The following ARFIP1 variants were observed in gnomAD, a reference collection of about 807,000 sequenced individuals.
ARFIP1 encodes the protein arfaptin-1.
A neutral mutation model predicts 42.5 loss-of-function variants in ARFIP1; 24 were observed. The ratio of observed to expected loss-of-function variants is 0.57; its 90% confidence interval spans 0.41 to 0.80. ARFIP1 has a LOEUF of 0.80. ARFIP1 is among the 30% of genes least tolerant of loss of function. The pLI is 0.00. For missense variants in ARFIP1, 354 were observed against 434.0 expected (o/e 0.82, Z 1.64); for synonymous variants, 141 against 153.7 (o/e 0.92, Z 0.61).
intron 6 of ARFIP1, among the ~76,000 whole-genome samples, chr4:152,882,485 A>C (rs943087275): frequency 6.6e-6 from 1 of 152,334 alleles, no homozygotes. Flanking sequence ...AACTTAAAAA[A>C]ATTATTTAGC....
At chr4:152,908,913 TG>T (rs1738609161) in intron 8 of ARFIP1, among the ~76,000 whole-genome samples, 2 of 151,390 alleles carry the variant, frequency 1.3e-5, no homozygotes, top group African/African-American at 4.9e-5. Context: ...TGTGTGTGTG[TG>T]TGTGTGTGTG....
At chr4:152,903,695 A>G (rs1488116225) in intron 8 of ARFIP1, among the ~76,000 whole-genome samples, 2 of 152,066 alleles carry the variant, frequency 1.3e-5, no homozygotes, top group African/African-American at 4.8e-5. Context: ...AAAAAGAACC[A>G]TCTTTGATTT....
chr4:152,866,718 G>A (rs1734405579), intron 3 of ARFIP1, among the ~76,000 whole-genome samples: 1 of 151,970 alleles, frequency 6.6e-6, no homozygotes, highest in East Asian at 1.9e-4. Flanking sequence ...CTGCCAGGCG[G>A]AGGGGCTCCT....
chr4:152,787,465 C>T (rs574661895), intron 1 of ARFIP1, among the ~76,000 whole-genome samples: 23 of 152,370 alleles, frequency 1.5e-4, no homozygotes, highest in Non-Finnish European at 2.8e-4. Context: ...TGCCATATAT[C>T]TTTTCCTCAC....
chr4:152,898,051 T>G (rs1288124977), intron 8 of ARFIP1, among the ~76,000 whole-genome samples: 1 of 147,020 alleles, frequency 6.8e-6, no homozygotes, highest in Admixed American at 7.0e-5. Context: ...TGGCGCAATC[T>G]CGGCTCACTG....
intron 2 of ARFIP1, among the ~76,000 whole-genome samples, chr4:152,846,027 A>G (rs1406339885): frequency 1.3e-5 from 2 of 152,174 alleles, no homozygotes; most frequent in African/African-American, 2.4e-5. Context: ...AAAGAACAAC[A>G]TTATGTCTTT....
chr4:152,895,439 T>G (rs965731524), intron 8 of ARFIP1, among the ~76,000 whole-genome samples: 1 of 151,776 alleles, frequency 6.6e-6, no homozygotes, highest in Non-Finnish European at 1.5e-5. Context: ...CAGGCTGGAG[T>G]GCAGTGGTGC....
intron 1 of ARFIP1, among the ~76,000 whole-genome samples, chr4:152,789,925 C>T (rs1731051929): frequency 6.6e-6 from 1 of 152,200 alleles, no homozygotes; most frequent in Admixed American, 6.5e-5. Context: ...GGCCTAGAAT[C>T]AGCCTTTTCT....
rs577908148 is a variant in ARFIP1 at position 152,788,668 on chromosome 4, G to A, written c.-10+8442G>A. 5.3e-5 allele frequency among the ~76,000 whole-genome samples: 8 copies of A among 152,192 alleles called. No individual in the cohort carries two copies. The South Asian group carries it at 6.2e-4, about 12-fold the overall frequency. ...GGTACTCCATCCTGGATGACAGAGC[G>A]AGACTCCATCTCAAAAAAACAAAAA... On this transcript the variant is annotated intron_variant, in intron 1 of 8. Transcript: ENST00000353617.
At chr4:152,791,833 T>C (rs1731160081) in intron 1 of ARFIP1, among the ~76,000 whole-genome samples, 1 of 152,292 alleles carries the variant, frequency 6.6e-6, no homozygotes, top group South Asian at 2.1e-4. Context: ...CTTTTTAACC[T>C]CGAACAAATT....
At chr4:152,880,350 CA>C (rs200632915) in intron 5 of ARFIP1, among the ~76,000 whole-genome samples, 54,645 of 125,382 alleles carry the variant, frequency 0.44, 10,778 homozygotes, top group Admixed American at 0.55. Context: ...CCATCTCAGA[CA>C]AAAAAAAAAA....
chr4:152,877,739 G>A (rs1478278027), intron 5 of ARFIP1, among the ~76,000 whole-genome samples: 2 of 152,154 alleles, frequency 1.3e-5, no homozygotes, highest in Non-Finnish European at 2.9e-5. Context: ...CCAGGGAGAG[G>A]TAATTGAATC....
At chr4:152,895,884 C>T (rs1737281489) in intron 8 of ARFIP1, among the ~76,000 whole-genome samples, 1 of 152,038 alleles carries the variant, frequency 6.6e-6, no homozygotes, top group Non-Finnish European at 1.5e-5. Context: ...TTTTATATGC[C>T]AGTCACTGAG....
chr4:152,898,854 C>G (rs973676118), intron 8 of ARFIP1, among the ~76,000 whole-genome samples: 2 of 152,158 alleles, frequency 1.3e-5, no homozygotes, highest in Non-Finnish European at 2.9e-5. Flanking sequence ...ATCATCTGTT[C>G]CCTTCTTGAA....
At chr4:152,804,860 T>C (rs1728880211) in intron 1 of ARFIP1, among the ~76,000 whole-genome samples, 1 of 152,150 alleles carries the variant, frequency 6.6e-6, no homozygotes, top group African/African-American at 2.4e-5. Context: ...TAGCTCTTAT[T>C]GTTGTAGAGC....
At chr4:152,791,739 G>A (rs763231666) in intron 1 of ARFIP1, among the ~76,000 whole-genome samples, 1 of 152,024 alleles carries the variant, frequency 6.6e-6, no homozygotes, top group Non-Finnish European at 1.5e-5. Flanking sequence ...ACCACCAGCT[G>A]CTTCAATTCT....
intron 8 of ARFIP1, among the ~76,000 whole-genome samples, chr4:152,909,282 G>T (rs1310840644): frequency 6.6e-6 from 1 of 152,162 alleles, no homozygotes; most frequent in Non-Finnish European, 1.5e-5. Flanking sequence ...CTACTCGGGA[G>T]GCCAAGACAT....
intron 2 of ARFIP1, among the ~76,000 whole-genome samples, chr4:152,853,317 C>T (rs1301352052): frequency 6.6e-6 from 1 of 152,078 alleles, no homozygotes; most frequent in Non-Finnish European, 1.5e-5. Flanking sequence ...CTTTTGCTTC[C>T]AGGTTTAGCG....
At chr4:152,815,975 A>C (rs540187615) in intron 1 of ARFIP1, among the ~76,000 whole-genome samples, 2 of 150,492 alleles carry the variant, frequency 1.3e-5, no homozygotes, top group East Asian at 2.0e-4. Flanking sequence ...CGATCTCCTG[A>C]CCTCGTGTTC....
Sources: allele counts gnomAD v4.1 joint callset (sites outside exome capture counted in the v4.1 genomes callset), GRCh38; gene constraint gnomAD v4.1.1; transcripts MANE v1.5; gene names NCBI Gene and HGNC (gene_info 2026-07-23, HGNC 2026-07-21).